PACRGL: variants seen among roughly 807,000 people sequenced by gnomAD.
PACRGL encodes the protein parkin coregulated like.
PACRGL carries 38 observed loss-of-function variants against 34.5 expected under a neutral mutation model. That is an observed-to-expected ratio of 1.10 (90% CI 0.85 to 1.44). PACRGL has a LOEUF of 1.44. Ranked by LOEUF, PACRGL falls within the 40% of genes most tolerant of loss-of-function variation. The pLI is 0.00. For synonymous variants in PACRGL, 128 were observed against 100.1 expected (o/e 1.28, Z -1.66); for missense variants, 305 against 281.4 (o/e 1.08, Z -0.60).
At chr4:20,717,123 A>G (rs1740478749) in intron 7 of PACRGL, among the ~76,000 whole-genome samples, 1 of 152,134 alleles carries the variant, frequency 6.6e-6, no homozygotes, top group African/African-American at 2.4e-5. Flanking sequence ...TGGCTGCATA[A>G]ATGTCTTCTT....
At chr4:20,717,668 C>A (rs1740795738) in intron 7 of PACRGL, among the ~76,000 whole-genome samples, 1 of 152,038 alleles carries the variant, frequency 6.6e-6, no homozygotes, top group Non-Finnish European at 1.5e-5. Context: ...ATTTCTGAGG[C>A]CTCTGTTCTG....
chr4:20,712,733 G>A, intron 5 of PACRGL, 55 bp from the exon 6 acceptor site: 1 of 1,338,080 alleles, frequency 7.5e-7, no homozygotes, highest in Non-Finnish European at 9.7e-7. Flanking sequence ...CAATTTTTCT[G>A]TTATTAGCAT....
At chr4:20,722,507 A>G (rs1004962950) in intron 7 of PACRGL, among the ~76,000 whole-genome samples, 1 of 152,160 alleles carries the variant, frequency 6.6e-6, no homozygotes, top group East Asian at 1.9e-4. Context: ...TCCAGCAACA[A>G]TGTGTGGCAA....
intron 1 of PACRGL, chr4:20,702,679 T>G (rs1429235626): frequency 6.5e-6 from 1 of 153,120 alleles, no homozygotes; most frequent in Non-Finnish European, 1.5e-5. Context: ...CTCCAGGAGC[T>G]TCTCAAAACA....
chr4:20,696,885 C>T (rs1731266077), upstream of PACRGL, among the ~76,000 whole-genome samples: 1 of 152,208 alleles, frequency 6.6e-6, no homozygotes, highest in Non-Finnish European at 1.5e-5. Flanking sequence ...TGTAAAATAT[C>T]ACATTAATAG....
chr4:20,738,372 T>C (rs1750213428), intron 8 of PACRGL, among the ~76,000 whole-genome samples: 1 of 152,180 alleles, frequency 6.6e-6, no homozygotes. Flanking sequence ...AAATATAATG[T>C]GCAACACAGT....
At chr4:20,706,613 G>A (rs1275491758) in intron 3 of PACRGL, among the ~76,000 whole-genome samples, 7 of 150,646 alleles carry the variant, frequency 4.6e-5, no homozygotes, top group East Asian at 3.9e-4. Context: ...ATCTCGCTCC[G>A]TCGCCAGGCT....
In PACRGL at chr4:20,715,851, C is replaced by T. The variant is rs562841479; in HGVS notation, c.609+2312C>T. 1.5e-4 allele frequency among the ~76,000 whole-genome samples: 23 copies of T among 151,830 alleles called. 1 individual carries two copies. Among genetic ancestry groups the T allele is most frequent in the African/African-American group, 4.1e-4 (17 of 41,412 alleles). On this transcript the variant is annotated intron_variant, in intron 7 of 8. Transcript: ENST00000503585. The stretch of plus-strand genomic sequence containing the variant: ...GTGCATGCCAGCCTGGGTAACAGAG[C>T]GAGTCTGCACTTCAAAAAAAAACCA...
At chr4:20,735,530 G>GT (rs10542507), downstream of PACRGL, among the ~76,000 whole-genome samples, 504 of 109,720 alleles carry the variant, frequency 4.6e-3, 8 homozygotes, top group East Asian at 0.051. Context: ...TTTTTTTTTT[G>GT]TTTTTTTTTT....
chr4:20,702,194 A>G, intron 1 of PACRGL: 1 of 456,716 alleles, frequency 2.2e-6, no homozygotes, highest in Non-Finnish European at 4.4e-6. Flanking sequence ...TTAGCCATAA[A>G]ATTCCATCCA....
the PACRGL span, among the ~76,000 whole-genome samples, chr4:20,758,494 A>C: frequency 6.6e-6 from 1 of 152,158 alleles, no homozygotes; most frequent in Admixed American, 6.5e-5. Flanking sequence ...GGGAGAATCA[A>C]GTGAGACCTA....
intron 3 of PACRGL, among the ~76,000 whole-genome samples, chr4:20,705,215 C>G (rs1363893481): frequency 1.3e-5 from 2 of 152,068 alleles, no homozygotes; most frequent in African/African-American, 2.4e-5. Context: ...ACCAGAAATC[C>G]TAGTTGTAGT....
intron 7 of PACRGL, among the ~76,000 whole-genome samples, chr4:20,715,123 G>A (rs964778021): frequency 6.6e-6 from 1 of 152,174 alleles, no homozygotes; most frequent in Non-Finnish European, 1.5e-5. Context: ...TTCCTTTGTA[G>A]GGACATGGAT....
In PACRGL at chr4:20,730,904, C is replaced by CTTA. The variant is rs1747961596; in HGVS notation, c.*3563_*3564insTTA. On this transcript the variant is annotated 3_prime_UTR_variant, in exon 9 of 9. Coordinates refer to ENST00000503585, the MANE Select transcript of PACRGL (RefSeq NM_001258345.3). ...GCTTCCACTGCTAGAAACCAAGTAA[C>CTTA]ATCACCGTCAAGCAGCTTAATGTCA... is the stretch of plus-strand genomic sequence containing the variant. Among the ~76,000 whole-genome samples, 1 of 152,038 alleles carries CTTA rather than the reference C, an allele frequency of 6.6e-6. No homozygotes were observed. Among genetic ancestry groups the CTTA allele is most frequent in the Admixed American group, 6.6e-5 (1 of 15,250 alleles).
intron 5 of PACRGL, among the ~76,000 whole-genome samples, chr4:20,712,150 C>A (rs1737562847): frequency 6.6e-6 from 1 of 151,788 alleles, no homozygotes; most frequent in African/African-American, 2.4e-5. Flanking sequence ...TCCTTTTCCT[C>A]CTTCCATTTC....
intron 7 of PACRGL, chr4:20,716,111 C>G: frequency 6.6e-7 from 1 of 1,526,292 alleles, no homozygotes; most frequent in Non-Finnish European, 8.8e-7. Flanking sequence ...TACTAGGACC[C>G]TGTGCAGCTC....
downstream of PACRGL, chr4:20,734,480 T>C (rs61184728): frequency 8.9e-3 from 3,988 of 449,178 alleles, 115 homozygotes; most frequent in African/African-American, 0.067. Flanking sequence ...CTATCCCAAG[T>C]TTTTAATTGT....
chr4:20,718,093 G>A (rs1204288762), intron 7 of PACRGL, among the ~76,000 whole-genome samples: 1 of 151,990 alleles, frequency 6.6e-6, no homozygotes, highest in Non-Finnish European at 1.5e-5. Flanking sequence ...TTCTCTTTGA[G>A]GCAGTTGTGA....
intron 7 of PACRGL, among the ~76,000 whole-genome samples, chr4:20,723,147 C>T (rs1237094509): frequency 1.3e-5 from 2 of 152,166 alleles, no homozygotes; most frequent in Non-Finnish European, 2.9e-5. Flanking sequence ...TGAGAATAGA[C>T]TTTCAAGCCT....
Sources: gnomAD v4.1 joint callset for allele counts (sites outside exome capture counted in the v4.1 genomes callset) on GRCh38, gnomAD v4.1.1 for gene constraint, MANE v1.5 for transcripts, NCBI Gene and HGNC (gene_info 2026-07-23, HGNC 2026-07-21) for gene names.